The following C1orf21 variants were observed in gnomAD, a reference collection of about 807,000 sequenced individuals.
C1orf21 encodes chromosome 1 open reading frame 21, also known as uncharacterized protein C1orf21.
A neutral mutation model predicts 18.7 loss-of-function variants in C1orf21; 3 were observed. The observed-to-expected ratio is 0.16, with a 90% CI of 0.07 to 0.42. C1orf21 has a LOEUF of 0.42. Among genes scored for constraint, C1orf21 ranks in the 10% least tolerant of loss-of-function variants. C1orf21 has a pLI of 0.99. For missense variants in C1orf21, 104 were observed against 143.6 expected (o/e 0.72, Z 1.41); for synonymous variants, 41 against 46.4 (o/e 0.88, Z 0.47).
At chr1:184,539,736 C>T (rs1183378182) in intron 3 of C1orf21, among the ~76,000 whole-genome samples, 1 of 152,206 alleles carries the variant, frequency 6.6e-6, no homozygotes, top group Middle Eastern at 3.2e-3. Context: ...TCTCCTCCCT[C>T]TGGGTCCATG....
chr1:184,588,153 A>G (rs1659383962), intron 3 of C1orf21, among the ~76,000 whole-genome samples: 1 of 152,214 alleles, frequency 6.6e-6, no homozygotes, highest in Admixed American at 6.5e-5. Flanking sequence ...TGGCAGATAA[A>G]TTATGGATAT....
chr1:184,393,239 A>G (rs1295085565), intron 1 of C1orf21, among the ~76,000 whole-genome samples: 2 of 152,114 alleles, frequency 1.3e-5, no homozygotes, highest in Admixed American at 6.6e-5. Flanking sequence ...TCCACTGTCT[A>G]TCTGGCTCCT....
At chr1:184,501,106 G>T (rs1437921829) in intron 2 of C1orf21, among the ~76,000 whole-genome samples, 1 of 152,200 alleles carries the variant, frequency 6.6e-6, no homozygotes, top group Non-Finnish European at 1.5e-5. Flanking sequence ...CAGAGGAGAT[G>T]CTTGAGGACA....
At chr1:184,597,598 C>G in intron 4 of C1orf21, among the ~76,000 whole-genome samples, 1 of 152,092 alleles carries the variant, frequency 6.6e-6, no homozygotes, top group East Asian at 1.9e-4. Context: ...GCATCCTTCA[C>G]CTCCTTGAAA....
chr1:184,422,300 C>A (rs571743161), intron 1 of C1orf21, among the ~76,000 whole-genome samples: 142 of 152,328 alleles, frequency 9.3e-4, no homozygotes, highest in African/African-American at 3.3e-3. Context: ...GAAATGCTTG[C>A]AGATTTTGGA....
At chr1:184,611,831 A>G (rs1274643388) in intron 5 of C1orf21, among the ~76,000 whole-genome samples, 3 of 152,172 alleles carry the variant, frequency 2.0e-5, no homozygotes, top group African/African-American at 7.2e-5. Context: ...GAGACTCAGG[A>G]TATAATAGAC....
intron 3 of C1orf21, among the ~76,000 whole-genome samples, chr1:184,545,497 A>G (rs1658716098): frequency 6.6e-6 from 1 of 152,014 alleles, no homozygotes; most frequent in Non-Finnish European, 1.5e-5. Flanking sequence ...AGAAATTTTT[A>G]GAAATTTAGA....
intron 3 of C1orf21, among the ~76,000 whole-genome samples, chr1:184,523,187 G>A (rs1285368855): frequency 1.3e-5 from 2 of 152,078 alleles, no homozygotes; most frequent in African/African-American, 4.8e-5. Context: ...TAATGACTTC[G>A]TTGCAAGAGT....
chr1:184,406,007 A>G (rs1271248384), intron 1 of C1orf21, among the ~76,000 whole-genome samples: 1 of 152,228 alleles, frequency 6.6e-6, no homozygotes, highest in Admixed American at 6.5e-5. Context: ...TATTTTCATT[A>G]TATTTGAGTG....
chr1:184,565,273 T>G (rs1659020124), intron 3 of C1orf21, among the ~76,000 whole-genome samples: 1 of 152,236 alleles, frequency 6.6e-6, no homozygotes. Flanking sequence ...TTATTGAATA[T>G]CCACCATGTT....
intron 3 of C1orf21, among the ~76,000 whole-genome samples, chr1:184,578,020 C>T (rs1263941311): frequency 6.7e-6 from 1 of 149,610 alleles, no homozygotes; most frequent in African/African-American, 2.5e-5. Flanking sequence ...GTGGCGCCGC[C>T]ATCTCAGCTC....
chr1:184,438,803 T>G (rs1223612040), intron 1 of C1orf21, among the ~76,000 whole-genome samples: 1 of 152,186 alleles, frequency 6.6e-6, no homozygotes, highest in Non-Finnish European at 1.5e-5. Flanking sequence ...AAAATATGGT[T>G]GCCTTAAATG....
chr1:184,407,704 T>G (rs936129259), intron 1 of C1orf21, among the ~76,000 whole-genome samples: 7 of 151,746 alleles, frequency 4.6e-5, no homozygotes, highest in African/African-American at 1.7e-4. Context: ...TGTGGGGGAG[T>G]GGTGGGGGAA....
intron 3 of C1orf21, among the ~76,000 whole-genome samples, chr1:184,520,100 A>G (rs941984568): frequency 1.3e-5 from 2 of 152,200 alleles, no homozygotes; most frequent in African/African-American, 4.8e-5. Context: ...GGATTAATGT[A>G]TTTACTCAGT....
chr1:184,559,891 A>C lies in C1orf21; in HGVS notation c.190-30848A>C, dbSNP rs1658937927. Among the ~76,000 whole-genome samples the C allele has an allele frequency of 6.6e-5, 10 of 152,170 alleles. No homozygotes were observed. The South Asian group carries it at 2.1e-3, about 32-fold the overall frequency. On this transcript the variant is annotated intron_variant, in intron 3 of 5. Coordinates refer to ENST00000235307, the MANE Select transcript of C1orf21 (RefSeq NM_030806.4). The stretch of plus-strand genomic sequence containing the variant: ...CTCAGCCTCCCAAAGTGCTAGGATT[A>C]CAGGCGTGAGCCACCGTTGCTGGCT...
rs1659898294 is a variant in C1orf21 at position 184,620,381 on chromosome 1, G to A, written c.*825G>A. 6.6e-6 allele frequency: 1 copy of A among 152,484 alleles called. No individual in the cohort carries two copies. Among genetic ancestry groups the A allele is most frequent in the Admixed American group, 6.6e-5 (1 of 15,260 alleles). 9.4% of individuals were successfully genotyped at this position (152,484 alleles called of 1,614,324 possible). A position where few individuals can be genotyped will look rare whatever the true frequency, so the allele number is the denominator to read the frequency against. On this transcript the variant is annotated 3_prime_UTR_variant, in exon 6 of 6. Transcript: ENST00000235307. ...GTGTTTTAAGATGATCCTGGGTGCA[G>A]AAGTTGAGCCCTCCTTTGCATTGAC...
chr1:184,465,751 G>A (rs369866586), intron 1 of C1orf21, among the ~76,000 whole-genome samples: 1 of 152,264 alleles, frequency 6.6e-6, no homozygotes, highest in East Asian at 1.9e-4. Context: ...AATAGAATGT[G>A]ATCAGATCCT....
intron 1 of C1orf21, among the ~76,000 whole-genome samples, chr1:184,448,513 T>C (rs1289567976): frequency 6.6e-6 from 1 of 152,222 alleles, no homozygotes; most frequent in Non-Finnish European, 1.5e-5. Context: ...GCCCTGTAAT[T>C]GTTTGCAGAG....
chr1:184,402,616 C>CAAA (rs57016276), intron 1 of C1orf21, among the ~76,000 whole-genome samples: 6 of 118,380 alleles, frequency 5.1e-5, no homozygotes, highest in African/African-American at 1.4e-4. Context: ...GACCCTGTCT[C>CAAA]AAAAAAAAAA....
Sources: allele counts gnomAD v4.1 joint callset (sites outside exome capture counted in the v4.1 genomes callset), GRCh38; gene constraint gnomAD v4.1.1; transcripts MANE v1.5; gene names NCBI Gene and HGNC (gene_info 2026-07-23, HGNC 2026-07-21).